Variants in ARMC8 observed in about 807,000 individuals in gnomAD.
The protein encoded by ARMC8 is armadillo repeat containing 8.
ARMC8 carries 20 observed loss-of-function variants against 99.3 expected under a neutral mutation model. The ratio of observed to expected loss-of-function variants is 0.20; its 90% confidence interval spans 0.14 to 0.29. The LOEUF (loss-of-function observed/expected upper bound fraction) is 0.29, where lower values mean the gene tolerates loss of function less well. Ranked by LOEUF, ARMC8 falls within the 10% of genes least tolerant of loss-of-function variation. ARMC8 has a pLI of 1.00. For synonymous variants in ARMC8, 263 were observed against 278.3 expected (o/e 0.95, Z 0.55); for missense variants, 569 against 809.5 (o/e 0.70, Z 3.60).
At chr3:138,282,428 A>G (rs1162166658) in intron 18 of ARMC8, among the ~76,000 whole-genome samples, 1 of 152,070 alleles carries the variant, frequency 6.6e-6, no homozygotes. Flanking sequence ...CGGGTGGATC[A>G]TGAGGTCAGG....
intron 12 of ARMC8, chr3:138,262,204 G>A (rs2047812889): frequency 1.0e-5 from 2 of 199,930 alleles, no homozygotes; most frequent in East Asian, 2.4e-4. Context: ...ATATGAGGGA[G>A]TCACAAAGAG....
intron 2 of ARMC8, among the ~76,000 whole-genome samples, chr3:138,215,764 A>G (rs1366262556): frequency 1.3e-5 from 2 of 152,190 alleles, no homozygotes; most frequent in Non-Finnish European, 2.9e-5. Flanking sequence ...AATTTTCAAA[A>G]TTATGTATTC....
rs2048108931 is a variant in ARMC8 at position 138,264,718 on chromosome 3, A to G, written c.1299+506A>G. Among the ~76,000 whole-genome samples, 4 of 151,724 alleles carry G rather than the reference A, an allele frequency of 2.6e-5. No individual in the cohort carries two copies. The Middle Eastern group carries it at 0.01, about 392-fold the overall frequency. ...CAGGCATGAGCCACTGCGCCCAGCC[A>G]GGCCTGATTTTCTTTTATTAACTAA... On this transcript the variant is annotated intron_variant, in intron 14 of 21. Coordinates refer to ENST00000469044, the MANE Select transcript of ARMC8 (RefSeq NM_001363941.2).
At chr3:138,228,386 C>T (rs1239954112) in intron 5 of ARMC8, among the ~76,000 whole-genome samples, 2 of 152,158 alleles carry the variant, frequency 1.3e-5, no homozygotes, top group Non-Finnish European at 2.9e-5. Context: ...CAGCAATAGG[C>T]AGAGAGTGGG....
chr3:138,188,311 G>C, intron 1 of ARMC8: 1 of 1,116,700 alleles, frequency 9.0e-7, no homozygotes, highest in Non-Finnish European at 1.2e-6. Context: ...GGGGGGAAAA[G>C]GGGGTGAGAT....
At position 138,222,063 on chromosome 3, in the gene ARMC8, A is replaced by G. The variant is rs114649189; in HGVS notation, c.194+66A>G. 9,274 of 1,225,652 alleles carry G rather than the reference A, an allele frequency of 7.6e-3. 58 individuals carry two copies. Among genetic ancestry groups the G allele is most frequent in the Non-Finnish European group, 9.7e-3 (8,196 of 844,670 alleles). 75.9% of individuals were successfully genotyped at this position (1,225,652 alleles called of 1,614,324 possible). ...GTTTCTAATGTATTTCTTACTCTCAATTATAGAACCCATTTTTCCTGTATT... is the reference window on the plus strand; with the variant it reads ...GTTTCTAATGTATTTCTTACTCTCAGTTATAGAACCCATTTTTCCTGTATT... On this transcript the variant is annotated intron_variant, in intron 3 of 21. Transcript: ENST00000469044.
chr3:138,187,301 G>T lies in ARMC8; in HGVS notation c.-254G>T, dbSNP rs1452974549. 9.3e-6 allele frequency: 4 copies of T among 431,972 alleles called. No homozygotes were observed. The highest frequency in any genetic ancestry group is 2.0e-5 in the African/African-American group (1 of 48,952). 26.8% of individuals were successfully genotyped at this position (431,972 alleles called of 1,614,324 possible). A position where few individuals can be genotyped will look rare whatever the true frequency, so the allele number is the denominator to read the frequency against. ...TTTGCGCATGCGGAAACCGCTGCCC[G>T]CTTCCACCTCTAACCCAGGCTCAGA... On this transcript the variant is annotated 5_prime_UTR_variant, in exon 1 of 22. Transcript: ENST00000469044.
At chr3:138,275,843 T>A (rs957881210) in intron 18 of ARMC8, among the ~76,000 whole-genome samples, 12 of 152,172 alleles carry the variant, frequency 7.9e-5, no homozygotes, top group Non-Finnish European at 1.3e-4. Context: ...TCTCTTAAAA[T>A]TTTTTTTAAA....
chr3:138,223,847 G>C (rs969427368), intron 5 of ARMC8, 114 bp downstream of exon 5: 2 of 889,040 alleles, frequency 2.2e-6, no homozygotes, highest in Admixed American at 2.1e-5. Context: ...GTCTCAGTTG[G>C]TCATGGTGGC....
chr3:138,260,854 A>G (rs1389259709), intron 12 of ARMC8, among the ~76,000 whole-genome samples: 1 of 152,222 alleles, frequency 6.6e-6, no homozygotes, highest in South Asian at 2.1e-4. Flanking sequence ...CATGTGTTCA[A>G]TCCATCCGTA....
chr3:138,281,764 GTCTATTCTGAGGGA>G (rs1377023219), intron 18 of ARMC8, among the ~76,000 whole-genome samples: 1 of 152,124 alleles, frequency 6.6e-6, no homozygotes, highest in Non-Finnish European at 1.5e-5. Context: ...TGCTGACCTG[GTCTATTCTGAGGGA>G]TCTTCCCTGG....
intron 13 of ARMC8, 94 bp from the exon 14 acceptor site, chr3:138,264,037 A>T: frequency 8.6e-7 from 1 of 1,157,580 alleles, no homozygotes; most frequent in Non-Finnish European, 1.3e-6. Context: ...GATATGCTTG[A>T]AGTGTACATT....
At chr3:138,267,093 T>C in intron 14 of ARMC8, 62 bp from the exon 15 acceptor site, 1 of 831,372 alleles carries the variant, frequency 1.2e-6, no homozygotes, top group Non-Finnish European at 1.9e-6. Context: ...ATTTTATATC[T>C]CATTTTATAT....
intron 12 of ARMC8, chr3:138,262,498 ACTCT>A: frequency 6.3e-7 from 1 of 1,583,432 alleles, no homozygotes; most frequent in East Asian, 2.2e-5. Context: ...GAGGTTTTCC[ACTCT>A]CTCATGTTCT....
intron 18 of ARMC8, among the ~76,000 whole-genome samples, chr3:138,279,204 G>A (rs1355471229): frequency 1.3e-5 from 2 of 151,926 alleles, no homozygotes; most frequent in East Asian, 1.9e-4. Context: ...AGTTTGTTGA[G>A]TTTTTACCAT....
At chr3:138,263,487 T>G (rs994532213) in intron 12 of ARMC8, 15 of 498,206 alleles carry the variant, frequency 3.0e-5, no homozygotes, top group Admixed American at 1.6e-4. Flanking sequence ...ATTTTTGTGT[T>G]AAATGTCTTT....
At chr3:138,201,476 T>C (rs1341421459) in intron 1 of ARMC8, among the ~76,000 whole-genome samples, 14 of 98,016 alleles carry the variant, frequency 1.4e-4, no homozygotes, top group Non-Finnish European at 2.1e-4. Context: ...TTTTTTTTTT[T>C]TCCTGAGACA....
chr3:138,216,091 G>A (rs900729216), intron 2 of ARMC8, among the ~76,000 whole-genome samples: 2 of 128,872 alleles, frequency 1.6e-5, no homozygotes, highest in African/African-American at 5.9e-5. Context: ...GTTTCATTAT[G>A]TTGGCCAGGC....
intron 12 of ARMC8, among the ~76,000 whole-genome samples, chr3:138,259,106 G>C (rs2108242851): frequency 6.6e-6 from 1 of 152,340 alleles, no homozygotes; most frequent in Non-Finnish European, 1.5e-5. Flanking sequence ...GCTAGGACTT[G>C]GCACCCTCCA....
Sources: allele counts gnomAD v4.1 joint callset (sites outside exome capture counted in the v4.1 genomes callset), GRCh38; gene constraint gnomAD v4.1.1; transcripts MANE v1.5; gene names NCBI Gene and HGNC (gene_info 2026-07-23, HGNC 2026-07-21).